GBA2: variants seen among roughly 807,000 people sequenced by gnomAD.
GBA2 encodes the protein non-lysosomal glucosylceramidase.
In GBA2, 79 loss-of-function variants were observed where a neutral mutation model predicts 112.9. The observed-to-expected ratio is 0.70, with a 90% CI of 0.58 to 0.84. GBA2 has a LOEUF of 0.84. Ranked by LOEUF, GBA2 falls within the 40% of genes least tolerant of loss-of-function variation. The pLI is 0.00. For synonymous variants in GBA2, 403 were observed against 434.3 expected, an observed-to-expected ratio of 0.93 and a Z score of 0.90; for missense variants, 1,043 against 1,190.0, an observed-to-expected ratio of 0.88 and a Z score of 1.82.
rs1826681142 is a variant in GBA2 at position 35,741,487 on chromosome 9, T to C, written c.786+185A>G. The stretch of plus-strand genomic sequence containing the variant: ...TTTTTTTTTTTGTATTTTTAGTAGA[T>C]ATGGGGTTTCACGTGTTAGCCAGGA... On this transcript the variant is annotated intron_variant, in intron 4 of 16. Transcript: ENST00000378103. The surrounding 1 kb of genome is among the most constrained non-coding windows in gnomAD (Gnocchi z 4.6). 6.6e-6 allele frequency: 4 copies of C among 603,330 alleles called. No homozygotes were observed. Among genetic ancestry groups the C allele is most frequent in the Middle Eastern group, 4.5e-4 (1 of 2,208 alleles). 37.4% of individuals were successfully genotyped at this position (603,330 alleles called of 1,614,324 possible).
In GBA2 at chr9:35,748,660, G is replaced by A. The variant is rs1827129258; in HGVS notation, c.45C>T (p.Ala15=). Residue 15 remains alanine, a synonymous_variant, in exon 1 of 17, where the codon GCC becomes GCT. Coordinates refer to ENST00000378103, the MANE Select transcript of GBA2 (RefSeq NM_020944.3). ...CTTTGGCACAGCTTATCTGCTCCGA[G>A]GCTGGGACGCCGGTTCCCATGTTCC... The part of the protein sequence containing the change: ...DPGNMGTGVP[A]SEQISCAKED... The A allele has an allele frequency of 6.3e-7, 1 of 1,596,668 alleles. No individual in the cohort carries two copies. The highest frequency in any genetic ancestry group is 1.7e-5 in the Admixed American group (1 of 58,036).
In GBA2 at chr9:35,740,808, G is replaced by T; in HGVS notation, c.1026+17C>A. On this transcript the variant is annotated intron_variant, in intron 5 of 16. Coordinates refer to ENST00000378103, the MANE Select transcript of GBA2 (RefSeq NM_020944.3). The surrounding 1 kb of genome is among the most constrained non-coding windows in gnomAD (Gnocchi z 4.7). ...TGGGGTTCAGGGGCTAAGGTATAGG[G>T]CAGGCTCTTTCCTTACCGTGACTCG... 1.2e-6 allele frequency: 2 copies of T among 1,613,698 alleles called. No homozygotes were observed. The highest frequency in any genetic ancestry group is 1.7e-6 in the Non-Finnish European group (2 of 1,179,722).
Position 35,739,501 on chromosome 9 carries a change from G to T in GBA2, c.1583-82C>A, listed in dbSNP as rs1588009957. On this transcript the variant is annotated intron_variant, in intron 9 of 16. Transcript: ENST00000378103. ...CTCTGTAGCTTGTCCTCTAGATTTA[G>T]AGGTGGGGCATTGTTACTAGTCCAC... The T allele has an allele frequency of 6.9e-6, 9 of 1,302,190 alleles. No homozygotes were observed. The East Asian group carries it at 1.6e-4, about 24-fold the overall frequency. The allele number at this position is 1,302,190 out of a possible 1,614,324, so 80.7% of individuals were successfully genotyped here. A position where few individuals can be genotyped will look rare whatever the true frequency, so the allele number is the denominator to read the frequency against.
In GBA2 at chr9:35,738,599, C is replaced by G. The variant is rs888193424; in HGVS notation, c.1981G>C (p.Asp661His). 2 of 1,613,782 alleles carry G rather than the reference C, an allele frequency of 1.2e-6. No homozygotes were observed. The highest frequency in any genetic ancestry group is 1.7e-6 in the Non-Finnish European group (2 of 1,179,778). ...VMESEMKFDKDHDGLIENGGY... is the reference protein window; with the variant it reads ...VMESEMKFDKHHDGLIENGGY... ...CCATTTTCAATGAGTCCATCATGGT[C>G]CTTGTCAAACTTCATTTCAGATTCC... The change falls in exon 13 of 17, where the codon GAC becomes CAC. Residue 661 changes from aspartate to histidine, a missense_variant. Physicochemically the swap from Asp to His is moderately conservative, Grantham distance 81. Coordinates refer to ENST00000378103, the MANE Select transcript of GBA2 (RefSeq NM_020944.3).
At chr9:35,744,438 G>C (rs780963892) in intron 2 of GBA2, 26 bp from the exon 3 acceptor site, 2 of 1,348,316 alleles carry the variant, frequency 1.5e-6, no homozygotes, top group Non-Finnish European at 2.1e-6. Context: ...TGGTTAGTGG[G>C]GTATTGGGAG....
rs1466562013 is a variant in GBA2, at chr9:35,744,707, C to A, written c.360-1G>T. On this transcript the variant is annotated splice_acceptor_variant, in intron 1 of 16. Transcript: ENST00000378103. LOFTEE classifies it high-confidence loss of function. ...CTTCCGGTACCACCACTGCAGGTAC[C>A]TGAGGAGCAAGAGGCAATGTGAGTG... 6.3e-7 allele frequency: 1 copy of A among 1,578,194 alleles called. No homozygotes were observed. Among genetic ancestry groups the A allele is most frequent in the East Asian group, 2.2e-5 (1 of 44,698 alleles).
intron 2 of GBA2, 97 bp from the exon 3 acceptor site, chr9:35,744,509 G>C: frequency 9.5e-7 from 1 of 1,052,554 alleles, no homozygotes; most frequent in South Asian, 1.3e-5. Flanking sequence ...TGAAAACCTA[G>C]GGGATGGAAC....
Position 35,738,806 on chromosome 9 carries a change from G to A in GBA2, c.1893C>T (p.Asp631=). The A allele has an allele frequency of 6.2e-7, 1 of 1,614,124 alleles. No individual in the cohort carries two copies. Among genetic ancestry groups the A allele is most frequent in the Non-Finnish European group, 8.5e-7 (1 of 1,179,922 alleles). The change falls in exon 12 of 17, where the codon GAC becomes GAT. Residue 631 remains aspartate, a synonymous_variant. Transcript: ENST00000378103. ...NLKFVLQVYR[D]YYLTGDQNFL... ...AGTTTTGATCACCCGTGAGGTAATA[G>A]TCCCGATAAACCTGCAGCACAAACT...
In GBA2 at chr9:35,741,786, G is replaced by C; in HGVS notation, c.672C>G (p.Tyr224Ter). 6.2e-7 allele frequency: 1 copy of C among 1,613,860 alleles called. No homozygotes were observed. Among genetic ancestry groups the C allele is most frequent in the South Asian group, 1.1e-5 (1 of 91,072 alleles). ...GATAGAGGGCATGGTAGAAAGCAAA[G>C]TACCCACACAGGCCCCAGTTCCAGC... is the stretch of plus-strand genomic sequence containing the variant. ...LRSWNWGLCG[Y>*]FAFYHALYPR... is the part of the protein sequence containing the mutation. Residue 224 changes from tyrosine (Y) to a stop codon, truncating the protein, a stop_gained, in exon 4 of 17, where the codon TAC (tyrosine) becomes TAG (stop). Transcript: ENST00000378103. LOFTEE classifies it high-confidence loss of function. This position sits in a 1 kb window ranked among gnomAD's most constrained non-coding sequence, Gnocchi z 4.6.
chr9:35,737,040 T>G lies in GBA2; in HGVS notation c.*129A>C. 2 of 1,397,210 alleles carry G rather than the reference T, an allele frequency of 1.4e-6. No homozygotes were observed. Among genetic ancestry groups the G allele is most frequent in the Non-Finnish European group, 1.9e-6 (2 of 1,043,042 alleles). The allele number at this position is 1,397,210 out of a possible 1,614,324, so 86.6% of individuals were successfully genotyped here. A position where few individuals can be genotyped will look rare whatever the true frequency, so the allele number is the denominator to read the frequency against. ...CCTCAACCCCCATTTACTGGCACAA[T>G]TGGGTGGAGAGAAGGGAAGGGGTAT... On this transcript the variant is annotated 3_prime_UTR_variant, in exon 17 of 17. Transcript: ENST00000378103. The surrounding 1 kb of genome is among the most constrained non-coding windows in gnomAD (Gnocchi z 4.1).
chr9:35,742,639 T>A (rs1055917878), intron 3 of GBA2, among the ~76,000 whole-genome samples: 4 of 152,216 alleles, frequency 2.6e-5, no homozygotes, highest in Non-Finnish European at 5.9e-5. Flanking sequence ...TGCACCCTTC[T>A]TCAGAGTTGG....
rs768898931 is a variant in GBA2 at position 35,736,979 on chromosome 9, G to A, written c.*190C>T. The A allele has an allele frequency of 4.1e-5, 38 of 925,264 alleles. No individual in the cohort carries two copies. The South Asian group carries it at 5.2e-4, about 13-fold the overall frequency. 57.3% of individuals were successfully genotyped at this position (925,264 alleles called of 1,614,324 possible). ...CGCAGTCAGGGAACAGGTGAGGAAA[G>A]AAATAAATAAGTGATTCTAATGCTG... On this transcript the variant is annotated 3_prime_UTR_variant, in exon 17 of 17. Transcript: ENST00000378103.
rs182108271 is a variant in GBA2 at position 35,736,983 on chromosome 9, T to G, written c.*186A>C. On this transcript the variant is annotated 3_prime_UTR_variant, in exon 17 of 17. Coordinates refer to ENST00000378103, the MANE Select transcript of GBA2 (RefSeq NM_020944.3). ...GTCAGGGAACAGGTGAGGAAAGAAA[T>G]AAATAAGTGATTCTAATGCTGCCTA... 2.9e-4 allele frequency: 269 copies of G among 941,606 alleles called. 1 individual carries two copies. The highest frequency in any genetic ancestry group is 1.2e-3 in the South Asian group (67 of 57,624). 58.3% of individuals were successfully genotyped at this position (941,606 alleles called of 1,614,324 possible).
chr9:35,740,083 G>A lies in GBA2; in HGVS notation c.1324C>T (p.Pro442Ser). The change falls in exon 8 of 17, where the codon CCT becomes TCT. Residue 442 changes from proline (P) to serine (S), a missense_variant. Physicochemically the swap from Pro to Ser is moderately conservative, Grantham distance 74 (BLOSUM62 -1). Transcript: ENST00000378103. The surrounding 1 kb of genome is among the most constrained non-coding windows in gnomAD (Gnocchi z 4.7). ...CACAGTGCATAGTGGCTGAGGGCAGGTGCTGCATCTCCATCCTGGCCAAAG... is the reference window on the plus strand; with the variant it reads ...CACAGTGCATAGTGGCTGAGGGCAGATGCTGCATCTCCATCCTGGCCAAAG... ...RFFGQDGDAA[P>S]ALSHYALCRY... 6.2e-7 allele frequency: 1 copy of A among 1,614,120 alleles called. No individual in the cohort carries two copies. The highest frequency in any genetic ancestry group is 2.2e-5 in the East Asian group (1 of 44,874).
chr9:35,744,726 G>A lies in GBA2; in HGVS notation c.360-20C>T. On this transcript the variant is annotated intron_variant, in intron 1 of 16. Coordinates refer to ENST00000378103, the MANE Select transcript of GBA2 (RefSeq NM_020944.3). ...AGGTACCTGAGGAGCAAGAGGCAATGTGAGTGGAAGGGGGCAGGTGGGCAG... is the reference window on the plus strand; with the variant it reads ...AGGTACCTGAGGAGCAAGAGGCAATATGAGTGGAAGGGGGCAGGTGGGCAG... The A allele has an allele frequency of 3.6e-6, 5 of 1,395,854 alleles. No homozygotes were observed. The highest frequency in any genetic ancestry group is 5.1e-6 in the Non-Finnish European group (5 of 980,622). The allele number at this position is 1,395,854 out of a possible 1,614,324, so 86.5% of individuals were successfully genotyped here. A position where few individuals can be genotyped will look rare whatever the true frequency, so the allele number is the denominator to read the frequency against.
chr9:35,738,117 G>A lies in GBA2; in HGVS notation c.2233C>T (p.Gln745Ter), dbSNP rs1298244623. The A allele has an allele frequency of 3.7e-6, 6 of 1,614,084 alleles. No homozygotes were observed. The highest frequency in any genetic ancestry group is 5.1e-6 in the Non-Finnish European group (6 of 1,179,918). The change falls in exon 15 of 17, where the codon CAG becomes TAG. Residue 745 changes from glutamine (Q) to a stop codon, truncating the protein, a stop_gained. Transcript: ENST00000378103. LOFTEE classifies it high-confidence loss of function. ...YYNYDSSSRPQSRSVMSDQCA... is the reference protein window; with the variant it reads ...YYNYDSSSRP ...TGGTCAGACATAACACTACGAGACT[G>A]AGGCCGAGAGCTGCTGTCATAGTTG...
Position 35,748,486 on chromosome 9 carries a change from C to G in GBA2, c.219G>C (p.Glu73Asp), listed in dbSNP as rs751695530. Residue 73 changes from glutamate (E) to aspartate (D), a missense_variant, in exon 1 of 17, where the codon GAG (glutamate) becomes GAC (aspartate). By Grantham distance (45) the Glu-to-Asp change is conservative. Coordinates refer to ENST00000378103, the MANE Select transcript of GBA2 (RefSeq NM_020944.3). ...EDSGQLMVSY[E>D]GKAMGYQVPP... is the part of the protein sequence containing the mutation. ...GCACCTGGTAGCCCATAGCTTTACC[C>G]TCATAGGAAACCATCAGCTGCCCAG... The G allele has an allele frequency of 2.5e-6, 4 of 1,614,188 alleles. No homozygotes were observed. In the South Asian group the frequency reaches 4.4e-5, roughly 18 times the overall value.
chr9:35,738,790 C>T lies in GBA2; in HGVS notation c.1909G>A (p.Asp637Asn), dbSNP rs773394218. 5.0e-6 allele frequency: 8 copies of T among 1,614,204 alleles called. No individual in the cohort carries two copies. Among genetic ancestry groups the T allele is most frequent in the Non-Finnish European group, 6.8e-6 (8 of 1,180,008 alleles). The change falls in exon 12 of 17, where the codon GAT (aspartate) becomes AAT (asparagine). Residue 637 changes from aspartate (D) to asparagine (N), a missense_variant. By Grantham distance (23) the Asp-to-Asn change is conservative (BLOSUM62 1). Coordinates refer to ENST00000378103, the MANE Select transcript of GBA2 (RefSeq NM_020944.3). The part of the protein sequence containing the change: ...QVYRDYYLTG[D>N]QNFLKDMWPV... ...CACATGTCCTTCAGGAAGTTTTGAT[C>T]ACCCGTGAGGTAATAGTCCCGATAA...
At position 35,748,551 on chromosome 9, in the gene GBA2, G is replaced by A. The variant is rs779248440; in HGVS notation, c.154C>T (p.Arg52Ter). The change falls in exon 1 of 17, where the codon CGA becomes TGA. Residue 52 changes from arginine to a stop codon, truncating the protein, a stop_gained. Transcript: ENST00000378103. LOFTEE classifies it high-confidence loss of function. ...CAGCAGTCCGTCTCTTTTGGGGGTC[G>A]GCTGTCTTCGGGACTCTTACAGTCT... ...VTDCKSPEDS[R>*]PPKETDCCNP... 1 of 1,614,156 alleles carries A rather than the reference G, an allele frequency of 6.2e-7. No individual in the cohort carries two copies. Among genetic ancestry groups the A allele is most frequent in the Non-Finnish European group, 8.5e-7 (1 of 1,180,004 alleles).
Sources: gnomAD v4.1 joint callset for allele counts (sites outside exome capture counted in the v4.1 genomes callset) on GRCh38, gnomAD v4.1.1 for gene constraint, Gnocchi (gnomAD v3.1) non-coding constraint, MANE v1.5 for transcripts, NCBI Gene and HGNC (gene_info 2026-07-23, HGNC 2026-07-21) for gene names.